TRPC3: variants seen among roughly 807,000 people sequenced by gnomAD.
The protein encoded by TRPC3 is transient receptor potential cation channel subfamily C member 3.
TRPC3 carries 54 observed loss-of-function variants against 90.9 expected under a neutral mutation model. The observed-to-expected ratio is 0.59, with a 90% CI of 0.48 to 0.75. The LOEUF (loss-of-function observed/expected upper bound fraction) is 0.75, where lower values mean the gene tolerates loss of function less well. Ranked by LOEUF, TRPC3 falls within the 30% of genes least tolerant of loss-of-function variation. The probability of loss-of-function intolerance (pLI) is 0.00; values close to 1 mark genes in which losing one functional copy is unlikely to be tolerated. For missense variants in TRPC3, 918 were observed against 1,194.5 expected (o/e 0.77, Z 3.41); for synonymous variants, 424 against 450.9 (o/e 0.94, Z 0.75).
chr4:121,924,687 C>T (rs1280388424), intron 3 of TRPC3, among the ~76,000 whole-genome samples: 2 of 152,104 alleles, frequency 1.3e-5, no homozygotes, highest in African/African-American at 2.4e-5. Context: ...ACTACAGGCA[C>T]GTGCCACCAT....
intron 10 of TRPC3, among the ~76,000 whole-genome samples, chr4:121,883,683 T>C (rs1447281918): frequency 6.6e-6 from 1 of 152,210 alleles, no homozygotes; most frequent in Non-Finnish European, 1.5e-5. Context: ...CTGGCAAGAC[T>C]GCAGACAACT....
chr4:121,916,182 C>T (rs1338386116), intron 3 of TRPC3, among the ~76,000 whole-genome samples: 1 of 152,098 alleles, frequency 6.6e-6, no homozygotes, highest in Non-Finnish European at 1.5e-5. Flanking sequence ...TATCAAAGCC[C>T]ACCTACAAGG....
intron 10 of TRPC3, among the ~76,000 whole-genome samples, chr4:121,884,924 A>G (rs550429177): frequency 6.6e-6 from 1 of 152,368 alleles, no homozygotes; most frequent in South Asian, 2.1e-4. Context: ...ACCATTCACA[A>G]TAATGGGTGA....
chr4:121,881,397 A>AC lies in TRPC3; in HGVS notation c.2623+956dup, dbSNP rs772531753. On this transcript the variant is annotated intron_variant, in intron 11 of 11. Transcript: ENST00000379645. ...CTTCCCACTTTGTTCCTCCCTCTCC[A>AC]CCCCCCATGGAGATTACGGTACAAC... Among the ~76,000 whole-genome samples, 8 of 150,826 alleles carry AC rather than the reference A, an allele frequency of 5.3e-5. No individual in the cohort carries two copies. In the East Asian group the frequency reaches 1.6e-3, roughly 29 times the overall value.
intron 6 of TRPC3, among the ~76,000 whole-genome samples, chr4:121,908,007 A>T (rs1354947317): frequency 1.3e-5 from 2 of 152,178 alleles, no homozygotes; most frequent in African/African-American, 2.4e-5. Context: ...TAGTTCATCC[A>T]ACAATTCATG....
At chr4:121,907,603 T>C in intron 6 of TRPC3, 36 bp from the exon 7 acceptor site, 2 of 1,571,238 alleles carry the variant, frequency 1.3e-6, no homozygotes, top group Non-Finnish European at 1.7e-6. Context: ...AAAATGGAGC[T>C]TTCTATTCAT....
intron 10 of TRPC3, among the ~76,000 whole-genome samples, chr4:121,894,171 A>G (rs1418197788): frequency 1.3e-5 from 2 of 152,198 alleles, no homozygotes; most frequent in African/African-American, 4.8e-5. Context: ...ATTTTCATCA[A>G]TAAAAGAATG....
chr4:121,937,545 G>T (rs1406879184), intron 1 of TRPC3, among the ~76,000 whole-genome samples: 2 of 152,212 alleles, frequency 1.3e-5, no homozygotes, highest in East Asian at 3.8e-4. Context: ...ACTGTTTAAT[G>T]TCAAGACCTT....
At chr4:121,941,949 C>T (rs1216923524) in intron 1 of TRPC3, among the ~76,000 whole-genome samples, 3 of 152,124 alleles carry the variant, frequency 2.0e-5, no homozygotes, top group Non-Finnish European at 4.4e-5. Flanking sequence ...GAGTACATGG[C>T]CACAGGTAGT....
chr4:121,921,470 C>G (rs1031951963), intron 3 of TRPC3, among the ~76,000 whole-genome samples: 4 of 135,550 alleles, frequency 3.0e-5, no homozygotes, highest in African/African-American at 1.1e-4. Flanking sequence ...TGCAGTGAGC[C>G]GAGATCGCGC....
intron 10 of TRPC3, among the ~76,000 whole-genome samples, chr4:121,891,671 A>G (rs1728333245): frequency 6.6e-6 from 1 of 152,206 alleles, no homozygotes. Flanking sequence ...GAGGAAAAAC[A>G]ATCATTACCA....
rs777844665 is a variant in TRPC3 at position 121,911,930 on chromosome 4, A to G, written c.1505T>C (p.Val502Ala). ...AGTCCATGTAAACTGGGTGGTTTTC[A>G]CCCTGAAGATCTGTTTGGGATAGTC... ...VTDYPKQIFR[V>A]KTTQFTWTEM... Residue 502 changes from valine to alanine, a missense_variant, in exon 5 of 12, where the codon GTG becomes GCG. Coordinates refer to ENST00000379645, the MANE Select transcript of TRPC3 (RefSeq NM_001130698.2). The G allele has an allele frequency of 1.2e-6, 2 of 1,613,866 alleles. No individual in the cohort carries two copies. Among genetic ancestry groups the G allele is most frequent in the Non-Finnish European group, 1.7e-6 (2 of 1,179,820 alleles).
At chr4:121,950,059 G>A (rs1730631624) in intron 1 of TRPC3, among the ~76,000 whole-genome samples, 2 of 152,354 alleles carry the variant, frequency 1.3e-5, no homozygotes, top group South Asian at 4.1e-4. Flanking sequence ...ACGGGGAAGT[G>A]AGCTGGTGGC....
At chr4:121,893,755 A>G (rs1380580504) in intron 10 of TRPC3, among the ~76,000 whole-genome samples, 1 of 152,192 alleles carries the variant, frequency 6.6e-6, no homozygotes, top group Non-Finnish European at 1.5e-5. Context: ...AAAGGCTAAT[A>G]TTGTTAAAAT....
At chr4:121,929,865 A>C (rs11098650) in intron 2 of TRPC3, among the ~76,000 whole-genome samples, 84,761 of 146,384 alleles carry the variant, frequency 0.58, 23,967 homozygotes, top group East Asian at 0.8. Context: ...CACTAGGAAA[A>C]AATTTTTTTT....
At chr4:121,916,019 G>A (rs1000915591) in intron 3 of TRPC3, among the ~76,000 whole-genome samples, 1 of 152,190 alleles carries the variant, frequency 6.6e-6, no homozygotes, top group African/African-American at 2.4e-5. Flanking sequence ...AACCTGTTAA[G>A]AAACACCCAT....
At chr4:121,897,977 AG>A (rs1728577213) in intron 10 of TRPC3, among the ~76,000 whole-genome samples, 1 of 152,194 alleles carries the variant, frequency 6.6e-6, no homozygotes, top group Non-Finnish European at 1.5e-5. Context: ...GCTATAAAAA[AG>A]ATTGAAATCC....
chr4:121,894,663 A>G (rs1728457675), intron 10 of TRPC3, among the ~76,000 whole-genome samples: 2 of 139,550 alleles, frequency 1.4e-5, no homozygotes, highest in Admixed American at 1.6e-4. Flanking sequence ...TCTTGGGCTC[A>G]GGTGATCCTC....
At chr4:121,923,074 G>T (rs1453976599) in intron 3 of TRPC3, among the ~76,000 whole-genome samples, 1 of 150,676 alleles carries the variant, frequency 6.6e-6, no homozygotes, top group Non-Finnish European at 1.5e-5. Flanking sequence ...AGAGAGGAGG[G>T]GAGAGAGAAA....
Sources: allele counts gnomAD v4.1 joint callset (sites outside exome capture counted in the v4.1 genomes callset), GRCh38; gene constraint gnomAD v4.1.1; transcripts MANE v1.5; gene names NCBI Gene and HGNC (gene_info 2026-07-23, HGNC 2026-07-21).